VPS35L: variants seen among roughly 807,000 people sequenced by gnomAD.
The protein encoded by VPS35L is VPS35 endosomal protein-sorting factor-like.
In VPS35L, 83 loss-of-function variants were observed where a neutral mutation model predicts 133.0. The ratio of observed to expected loss-of-function variants is 0.62; its 90% CI spans 0.52 to 0.75. VPS35L has a LOEUF of 0.75. Among genes scored for constraint, VPS35L ranks in the 30% least tolerant of loss-of-function variants. VPS35L has a pLI of 0.00. For missense variants in VPS35L, 1,083 were observed against 1,206.8 expected (o/e 0.90, Z 1.52); for synonymous variants, 423 against 449.9 (o/e 0.94, Z 0.76).
At chr16:19,637,741 C>A in intron 20 of VPS35L, 85 bp downstream of exon 20, 1 of 941,534 alleles carries the variant, frequency 1.1e-6, no homozygotes, top group Non-Finnish European at 1.6e-6. Flanking sequence ...CATGATGCCC[C>A]AGGCCAAAAG....
chr16:19,632,531 T>C (rs1171819829), intron 18 of VPS35L, among the ~76,000 whole-genome samples: 2 of 152,252 alleles, frequency 1.3e-5, no homozygotes, highest in Non-Finnish European at 2.9e-5. Flanking sequence ...CATTGCATCC[T>C]TGTGATGGTG....
Position 19,626,192 on chromosome 16 carries a change from A to G in VPS35L, c.1240A>G (p.Met414Val). The change falls in exon 15 of 31, where the codon ATG (methionine) becomes GTG (valine). Residue 414 changes from methionine to valine, a missense_variant. By Grantham distance (21) the Met-to-Val change is conservative (BLOSUM62 1). Transcript: ENST00000417362. ...YHAPEALLTEMMERCKKLGNN... is the reference protein window; with the variant it reads ...YHAPEALLTEVMERCKKLGNN... ...AACATAATAGGCTCTGCTGACCGAGATGATGGAAAGGTGTAAGAAACTAGG... is the reference window on the plus strand; with the variant it reads ...AACATAATAGGCTCTGCTGACCGAGGTGATGGAAAGGTGTAAGAAACTAGG... 5 of 1,599,850 alleles carry G rather than the reference A, an allele frequency of 3.1e-6. No homozygotes were observed. The highest frequency in any genetic ancestry group is 4.3e-6 in the Non-Finnish European group (5 of 1,171,464).
chr16:19,661,729 G>A (rs1445440998), intron 26 of VPS35L, among the ~76,000 whole-genome samples: 1 of 152,156 alleles, frequency 6.6e-6, no homozygotes, highest in African/African-American at 2.4e-5. Flanking sequence ...GGTCCCCACA[G>A]TGTGTGTATC....
intron 8 of VPS35L, among the ~76,000 whole-genome samples, chr16:19,594,668 AAAAGAAG>A (rs1972150535): frequency 7.3e-6 from 1 of 136,530 alleles, no homozygotes; most frequent in Non-Finnish European, 1.6e-5. Context: ...AAAAAAAAAA[AAAAGAAG>A]AGAAAAAAAA....
At chr16:19,646,587 C>T (rs1265376842) in intron 23 of VPS35L, among the ~76,000 whole-genome samples, 4 of 152,004 alleles carry the variant, frequency 2.6e-5, no homozygotes, top group African/African-American at 7.3e-5. Context: ...ATCGCTTGAA[C>T]CCGGGAGGCA....
intron 26 of VPS35L, among the ~76,000 whole-genome samples, chr16:19,653,801 A>T (rs965238259): frequency 6.6e-6 from 1 of 152,168 alleles, no homozygotes. Flanking sequence ...AGTTTTGGGG[A>T]TCATCTGTGT....
At chr16:19,681,992 C>G (rs556896490) in intron 27 of VPS35L, among the ~76,000 whole-genome samples, 9 of 152,252 alleles carry the variant, frequency 5.9e-5, no homozygotes, top group Admixed American at 5.2e-4. Context: ...AAAAGGGATT[C>G]TCAAAGCTCG....
At chr16:19,562,986 A>G (rs1435712555) in intron 1 of VPS35L, among the ~76,000 whole-genome samples, 1 of 151,976 alleles carries the variant, frequency 6.6e-6, no homozygotes. Context: ...GCTGGTTTCA[A>G]ACTCCTGGGC....
At chr16:19,563,990 A>C (rs1971104963) in intron 1 of VPS35L, among the ~76,000 whole-genome samples, 2 of 152,186 alleles carry the variant, frequency 1.3e-5, no homozygotes, top group African/African-American at 4.8e-5. Context: ...AAGCTGGGCA[A>C]GGAGTGTTAG....
intron 2 of VPS35L, 58 bp downstream of exon 2, chr16:19,565,008 A>G (rs1259451762): frequency 2.2e-6 from 3 of 1,351,106 alleles, no homozygotes; most frequent in African/African-American, 2.9e-5. Flanking sequence ...ATGAAAGACA[A>G]TCTTCCTGAG....
chr16:19,637,684 G>T, intron 20 of VPS35L, 28 bp downstream of exon 20: 1 of 1,494,060 alleles, frequency 6.7e-7, no homozygotes, highest in East Asian at 2.3e-5. Context: ...ATTATCTTTG[G>T]AAATTTGTAC....
chr16:19,664,822 C>T (rs143449789), intron 26 of VPS35L, among the ~76,000 whole-genome samples: 3,208 of 151,894 alleles, frequency 0.021, 91 homozygotes, highest in African/African-American at 0.059. Context: ...ATCGCTTGAA[C>T]CCGGGAGGCG....
intron 14 of VPS35L, chr16:19,617,071 G>A: frequency 1.6e-6 from 1 of 613,952 alleles, no homozygotes; most frequent in South Asian, 1.9e-5. Flanking sequence ...CTAGAAAGCA[G>A]TTTGGTGGCT....
chr16:19,627,864 C>T, intron 16 of VPS35L, 59 bp downstream of exon 16: 1 of 1,362,922 alleles, frequency 7.3e-7, no homozygotes, highest in Non-Finnish European at 1.0e-6. Flanking sequence ...TCTGATAGCT[C>T]TTGAGAGACA....
chr16:19,689,673 C>G (rs1975597496), intron 28 of VPS35L, among the ~76,000 whole-genome samples: 2 of 152,148 alleles, frequency 1.3e-5, no homozygotes, highest in Admixed American at 1.3e-4. Flanking sequence ...AATTTGCACA[C>G]TGTACTGAAT....
chr16:19,662,121 C>T (rs957568840), intron 26 of VPS35L, among the ~76,000 whole-genome samples: 1 of 152,052 alleles, frequency 6.6e-6, no homozygotes, highest in Non-Finnish European at 1.5e-5. Flanking sequence ...GAGGGTTGCT[C>T]GAGCCCAGGA....
chr16:19,565,649 G>A lies in VPS35L; in HGVS notation c.117+699G>A, dbSNP rs546597777. Among the ~76,000 whole-genome samples, 8 of 152,246 alleles carry A rather than the reference G, an allele frequency of 5.3e-5. No homozygotes were observed. In the South Asian group the frequency reaches 6.2e-4, roughly 12 times the overall value. ...ATTACAGGAGTGAGCCACCTCGCCC[G>A]GCCTGCATATTTAAATCAACCAGTT... is the stretch of plus-strand genomic sequence containing the variant. On this transcript the variant is annotated intron_variant, in intron 2 of 30. Coordinates refer to ENST00000417362, the MANE Select transcript of VPS35L (RefSeq NM_020314.7).
chr16:19,615,388 A>G (rs562970377), intron 12 of VPS35L, among the ~76,000 whole-genome samples: 1 of 152,270 alleles, frequency 6.6e-6, no homozygotes, highest in South Asian at 2.1e-4. Flanking sequence ...GGTGGCTCAC[A>G]CCTGTAATCC....
At chr16:19,581,464 A>C (rs1333171707) in intron 6 of VPS35L, 61 bp from the exon 7 acceptor site, 2 of 1,461,728 alleles carry the variant, frequency 1.4e-6, no homozygotes, top group African/African-American at 2.9e-5. Flanking sequence ...TATTCTTTAT[A>C]AGGGTGTAGT....
Sources: gnomAD v4.1 joint callset for allele counts (sites outside exome capture counted in the v4.1 genomes callset) on GRCh38, gnomAD v4.1.1 for gene constraint, MANE v1.5 for transcripts, NCBI Gene and HGNC (gene_info 2026-07-23, HGNC 2026-07-21) for gene names.